DPH6: variants seen among roughly 807,000 people sequenced by gnomAD.
DPH6 encodes the protein diphthine--ammonia ligase.
DPH6 carries 33 observed loss-of-function variants against 38.2 expected under a neutral mutation model. The ratio of observed to expected loss-of-function variants is 0.86; its 90% CI spans 0.65 to 1.15. DPH6 has a LOEUF of 1.15. DPH6 is among the 50% of genes most tolerant of loss of function. The pLI is 0.00. For synonymous variants in DPH6, 108 were observed against 103.0 expected, an observed-to-expected ratio of 1.05 and a Z score of -0.30; for missense variants, 325 against 320.0, an observed-to-expected ratio of 1.02 and a Z score of -0.12.
intron 3 of DPH6, among the ~76,000 whole-genome samples, chr15:35,253,124 G>A (rs1272890448): frequency 1.3e-5 from 2 of 152,108 alleles, no homozygotes; most frequent in Non-Finnish European, 2.9e-5. Flanking sequence ...TCAAAAACAT[G>A]CAAATTGCTC....
intron 3 of DPH6, among the ~76,000 whole-genome samples, chr15:35,343,609 A>G (rs2052439376): frequency 6.6e-6 from 1 of 152,048 alleles, no homozygotes; most frequent in Non-Finnish European, 1.5e-5. Context: ...GGCAATGAAT[A>G]GACTACTTTA....
chr15:35,516,675 C>T (rs2054851980), intron 3 of DPH6, among the ~76,000 whole-genome samples: 1 of 152,138 alleles, frequency 6.6e-6, no homozygotes, highest in African/African-American at 2.4e-5. Context: ...AGGATAAAAA[C>T]ATACAGTGTA....
the DPH6 span, among the ~76,000 whole-genome samples, chr15:35,200,181 G>C: frequency 5.3e-5 from 8 of 152,304 alleles, no homozygotes; most frequent in African/African-American, 1.9e-4. Flanking sequence ...ATGAGAGAGA[G>C]TTTGGAACAA....
intron 3 of DPH6, among the ~76,000 whole-genome samples, chr15:35,533,121 G>A (rs1305582225): frequency 7.4e-6 from 1 of 135,292 alleles, no homozygotes; most frequent in Non-Finnish European, 1.6e-5. Flanking sequence ...AAAAAAAAAA[G>A]AATCATCTAG....
chr15:35,543,932 T>C (rs1231777316), intron 1 of DPH6, among the ~76,000 whole-genome samples: 2 of 152,246 alleles, frequency 1.3e-5, no homozygotes, highest in African/African-American at 4.8e-5. Flanking sequence ...ACAATTTATT[T>C]TGAAATATGC....
chr15:35,512,989 AATT>A (rs1354083650), intron 3 of DPH6, among the ~76,000 whole-genome samples: 1 of 152,084 alleles, frequency 6.6e-6, no homozygotes, highest in Non-Finnish European at 1.5e-5. Context: ...TCATTAAAAA[AATT>A]ATTATACAGG....
intron 5 of DPH6, among the ~76,000 whole-genome samples, chr15:35,444,402 T>C (rs981878723): frequency 6.6e-6 from 1 of 152,190 alleles, no homozygotes; most frequent in East Asian, 1.9e-4. Flanking sequence ...AGAACAAATA[T>C]AAAGGCCACA....
intron 3 of DPH6, among the ~76,000 whole-genome samples, chr15:35,279,068 A>AAAATATATATATATATATATAT (rs1555390826): frequency 9.7e-6 from 1 of 102,986 alleles, no homozygotes; most frequent in African/African-American, 4.8e-5. Context: ...AAAAAAAAAA[A>AAAATATATATATATATATATAT]ATATATATAT....
intron 3 of DPH6, among the ~76,000 whole-genome samples, chr15:35,474,723 TTACTTAGTAAG>T (rs2054243830): frequency 6.6e-6 from 1 of 152,130 alleles, no homozygotes; most frequent in Admixed American, 6.5e-5. Flanking sequence ...TAAGTCAGCA[TTACTTAGTAAG>T]TATCAGCCCC....
At chr15:35,409,221 A>AT (rs2140991324) in intron 6 of DPH6, among the ~76,000 whole-genome samples, 1 of 151,986 alleles carries the variant, frequency 6.6e-6, no homozygotes, top group African/African-American at 2.4e-5. Context: ...GATTTCCTAT[A>AT]TCATGGCTTC....
chr15:35,486,894 G>A (rs574066944), intron 3 of DPH6, among the ~76,000 whole-genome samples: 3 of 152,242 alleles, frequency 2.0e-5, no homozygotes, highest in East Asian at 1.9e-4. Context: ...AAGATACAAC[G>A]GGGGTACAGG....
intron 3 of DPH6, among the ~76,000 whole-genome samples, chr15:35,346,929 A>C (rs1170695950): frequency 6.6e-6 from 1 of 151,772 alleles, no homozygotes; most frequent in Non-Finnish European, 1.5e-5. Context: ...TAGCTTTTTT[A>C]TTGTGGTAAA....
At chr15:35,372,231 G>T in intron 8 of DPH6, 28 bp from the exon 9 acceptor site, 13 of 1,280,130 alleles carry the variant, frequency 1.0e-5, no homozygotes, top group Admixed American at 5.8e-5. Context: ...GGAAAGGGAA[G>T]GAAAATGCAC....
the DPH6 span, among the ~76,000 whole-genome samples, chr15:35,174,949 ATATT>A: frequency 7.2e-5 from 11 of 152,188 alleles, no homozygotes; most frequent in African/African-American, 2.7e-4. Context: ...AAACATACAC[ATATT>A]TATTTAAACA....
chr15:35,180,202 A>C, the DPH6 span, among the ~76,000 whole-genome samples: 1 of 152,140 alleles, frequency 6.6e-6, no homozygotes, highest in Non-Finnish European at 1.5e-5. Flanking sequence ...CTCTGAAAAA[A>C]AGTGATTAAA....
intron 3 of DPH6, among the ~76,000 whole-genome samples, chr15:35,308,761 T>C (rs1339571040): frequency 6.6e-6 from 1 of 152,200 alleles, no homozygotes; most frequent in African/African-American, 2.4e-5. Context: ...ACACTAAATA[T>C]AATAAATGTA....
At chr15:35,149,726 T>C in the DPH6 span, among the ~76,000 whole-genome samples, 1 of 152,230 alleles carries the variant, frequency 6.6e-6, no homozygotes, top group Admixed American at 6.5e-5. Context: ...TTATAGAATT[T>C]GACACAACTG....
intron 5 of DPH6, among the ~76,000 whole-genome samples, chr15:35,416,670 C>T (rs2053439990): frequency 6.6e-6 from 1 of 152,008 alleles, no homozygotes; most frequent in African/African-American, 2.4e-5. Context: ...TTGCTGGTTA[C>T]TTTATCTGAA....
intron 3 of DPH6, among the ~76,000 whole-genome samples, chr15:35,467,787 A>C (rs536263989): frequency 3.1e-4 from 47 of 152,210 alleles, no homozygotes; most frequent in African/African-American, 1.1e-3. Context: ...TTTTACACTT[A>C]ATCTTTTTTT....
Sources: gnomAD v4.1 joint callset for allele counts (sites outside exome capture counted in the v4.1 genomes callset) on GRCh38, gnomAD v4.1.1 for gene constraint, MANE v1.5 for transcripts, NCBI Gene and HGNC (gene_info 2026-07-23, HGNC 2026-07-21) for gene names.